Variants in NECTIN4 observed in about 807,000 individuals in gnomAD.
NECTIN4 encodes the protein nectin-4.
A neutral mutation model predicts 51.7 loss-of-function variants in NECTIN4; 19 were observed. The observed-to-expected ratio is 0.37, with a 90% CI of 0.26 to 0.54. The LOEUF (loss-of-function observed/expected upper bound fraction) is 0.54. NECTIN4 is among the 20% of genes least tolerant of loss of function. NECTIN4 has a pLI of 0.86. For synonymous variants in NECTIN4, 283 were observed against 286.9 expected, an observed-to-expected ratio of 0.99 and a Z score of 0.14; for missense variants, 619 against 662.4, an observed-to-expected ratio of 0.93 and a Z score of 0.72.
chr1:161,081,418 TGAA>T (rs1246879155), intron 1 of NECTIN4, among the ~76,000 whole-genome samples: 1 of 151,086 alleles, frequency 6.6e-6, no homozygotes, highest in Non-Finnish European at 1.5e-5. Flanking sequence ...GAAAGAGAGA[TGAA>T]GGAGAGGAAA....
At position 161,079,915 on chromosome 1, in the gene NECTIN4, G is replaced by T. The variant is rs150247524; in HGVS notation, c.114C>A (p.Asp38Glu). Reference protein sequence around the residue: ...RCPAGELETSDVVTVVLGQDA... With the variant: ...RCPAGELETSEVVTVVLGQDA... Reference sequence around the variant, plus strand: ...CCTGGCCCAGCACCACAGTTACCACGTCTGAGGTCTCCAGCTCACCCGCGG... The same window carrying T: ...CCTGGCCCAGCACCACAGTTACCACTTCTGAGGTCTCCAGCTCACCCGCGG... The change falls in exon 2 of 9, where the codon GAC becomes GAA. Residue 38 changes from aspartate to glutamate, a missense_variant. Coordinates refer to ENST00000368012, the MANE Select transcript of NECTIN4 (RefSeq NM_030916.3). The T allele has an allele frequency of 3.1e-5, 50 of 1,609,504 alleles. No homozygotes were observed. The African/African-American group carries it at 6.0e-4, about 19-fold the overall frequency.
intron 2 of NECTIN4, among the ~76,000 whole-genome samples, chr1:161,078,862 A>C (rs747528638): frequency 5.9e-5 from 9 of 151,918 alleles, no homozygotes; most frequent in Non-Finnish European, 1.3e-4. Context: ...ATACACAAAA[A>C]TTAACTGGGC....
In NECTIN4 at chr1:161,072,568, G is replaced by T; in HGVS notation, c.*93C>A. The T allele has an allele frequency of 1.9e-6, 2 of 1,049,548 alleles. No individual in the cohort carries two copies. The highest frequency in any genetic ancestry group is 3.0e-6 in the Non-Finnish European group (2 of 669,466). 65.0% of individuals were successfully genotyped at this position (1,049,548 alleles called of 1,614,324 possible). On this transcript the variant is annotated 3_prime_UTR_variant, in exon 9 of 9. Coordinates refer to ENST00000368012, the MANE Select transcript of NECTIN4 (RefSeq NM_030916.3). ...GTGGGATGGGGAGCATCTTCCGCAA[G>T]AAATGGGGGTGTTTAAGGAGGCCCC...
At position 161,079,609 on chromosome 1, in the gene NECTIN4, C is replaced by T. The variant is rs1165851836; in HGVS notation, c.420G>A (p.Arg140=). Residue 140 remains arginine, a synonymous_variant, in exon 2 of 9, where the codon CGG becomes CGA. Transcript: ENST00000368012. ...GCTTACCCAGCACTCGGAGCCGCAG[C>T]CGCGCCTGGAAGCTGCCGGCGGGGA... The part of the protein sequence containing the change: ...STFPAGSFQA[R]LRLRVLVPPL... 1 of 1,604,616 alleles carries T rather than the reference C, an allele frequency of 6.2e-7. No homozygotes were observed.
chr1:161,079,828 C>A lies in NECTIN4; in HGVS notation c.201G>T (p.Trp67Cys). 6.2e-7 allele frequency: 1 copy of A among 1,613,840 alleles called. No homozygotes were observed. Among genetic ancestry groups the A allele is most frequent in the Non-Finnish European group, 8.5e-7 (1 of 1,180,018 alleles). ...CGCCTTCGCCCGCGTCCACCCGAGC[C>A]CATGCCACTTGCCCCACTTGCTCGC... The part of the protein sequence containing the change: ...DSGEQVGQVA[W>C]ARVDAGEGAQ... Residue 67 changes from tryptophan to cysteine, a missense_variant, in exon 2 of 9, where the codon TGG becomes TGT. Trp to Cys is a radical substitution (Grantham distance 215). This residue lies in a region of NECTIN4 where 218 missense variants were observed against 186.3 expected (regional missense o/e 1.17). Transcript: ENST00000368012.
At chr1:161,076,621 C>G (rs1410564405) in intron 3 of NECTIN4, 146 bp from the exon 4 acceptor site, 10 of 1,066,354 alleles carry the variant, frequency 9.4e-6, no homozygotes, top group Non-Finnish European at 1.4e-5. Flanking sequence ...AAACCTAGCT[C>G]AGCCCCACCC....
chr1:161,089,513 G>A lies in NECTIN4; in HGVS notation c.-217C>T, dbSNP rs1484350582. 4 of 591,998 alleles carry A rather than the reference G, an allele frequency of 6.8e-6. No homozygotes were observed. Among genetic ancestry groups the A allele is most frequent in the South Asian group, 1.9e-5 (1 of 51,834 alleles). The allele number at this position is 591,998 out of a possible 1,614,324, so 36.7% of individuals were successfully genotyped here. The stretch of plus-strand genomic sequence containing the variant: ...CCAAGAAGCCGTGATCGGGAGCTCC[G>A]AGCTCCCCCAGAGCTGCTTCCCACG... On this transcript the variant is annotated 5_prime_UTR_variant, in exon 1 of 9. Coordinates refer to ENST00000368012, the MANE Select transcript of NECTIN4 (RefSeq NM_030916.3). This position sits in a 1 kb window ranked among gnomAD's most constrained non-coding sequence, Gnocchi z 4.1.
intron 7 of NECTIN4, among the ~76,000 whole-genome samples, 191 bp downstream of exon 7, chr1:161,073,529 G>A (rs1442091093): frequency 6.6e-6 from 1 of 152,212 alleles, no homozygotes; most frequent in Non-Finnish European, 1.5e-5. Flanking sequence ...ATGCTGAAGG[G>A]GGCCTTCTGG....
chr1:161,089,517 T>C lies in NECTIN4; in HGVS notation c.-221A>G. 1 of 586,900 alleles carries C rather than the reference T, an allele frequency of 1.7e-6. No individual in the cohort carries two copies. 36.4% of individuals were successfully genotyped at this position (586,900 alleles called of 1,614,324 possible). A position where few individuals can be genotyped will look rare whatever the true frequency, so the allele number is the denominator to read the frequency against. On this transcript the variant is annotated 5_prime_UTR_variant, in exon 1 of 9. Transcript: ENST00000368012. The surrounding 1 kb of genome is among the most constrained non-coding windows in gnomAD (Gnocchi z 4.1). ...GAAGCCGTGATCGGGAGCTCCGAGC[T>C]CCCCCAGAGCTGCTTCCCACGCTGT...
At position 161,080,180 on chromosome 1, in the gene NECTIN4, T is replaced by C. The variant is rs1399909049; in HGVS notation, c.80-231A>G. ...CTGAGACCCAGAGAGAGGAAGTGGC[T>C]TGCCTAAGGCCACACAGACGATTTA... On this transcript the variant is annotated intron_variant, in intron 1 of 8. Transcript: ENST00000368012. Among the ~76,000 whole-genome samples the C allele has an allele frequency of 2.0e-5, 3 of 152,206 alleles. 1 individual carries two copies. In the East Asian group the frequency reaches 5.8e-4, roughly 29 times the overall value.
intron 1 of NECTIN4, among the ~76,000 whole-genome samples, chr1:161,087,743 A>G (rs1320199404): frequency 6.6e-6 from 1 of 151,958 alleles, no homozygotes; most frequent in Non-Finnish European, 1.5e-5. Flanking sequence ...TCCTCAGTTC[A>G]GAGTCATAGG....
At position 161,074,365 on chromosome 1, in the gene NECTIN4, C is replaced by T; in HGVS notation, c.1009G>A (p.Glu337Lys). The stretch of plus-strand genomic sequence containing the variant: ...AGGTCCACCTGCTTCCCAGAGTCTT[C>T]CTGGGGGTCTGCTGGAGACAGGCCA... ...QVTVDVLDPQ[E>K]DSGKQVDLVS... Residue 337 changes from glutamate to lysine, a missense_variant, in exon 6 of 9, where the codon GAA (glutamate) becomes AAA (lysine). Glu to Lys is a moderately conservative substitution (Grantham distance 56, BLOSUM62 1). Coordinates refer to ENST00000368012, the MANE Select transcript of NECTIN4 (RefSeq NM_030916.3). The T allele has an allele frequency of 1.2e-6, 2 of 1,614,062 alleles. No homozygotes were observed. Among genetic ancestry groups the T allele is most frequent in the Non-Finnish European group, 8.5e-7 (1 of 1,180,014 alleles).
At chr1:161,077,824 A>C (rs1653489493) in intron 2 of NECTIN4, 81 bp from the exon 3 acceptor site, 1 of 1,309,906 alleles carries the variant, frequency 7.6e-7, no homozygotes. Flanking sequence ...TCAGTCTTGC[A>C]CAAGTACAAA....
Position 161,089,228 on chromosome 1 carries a change from T to C in NECTIN4, c.69A>G (p.Ala23=). The C allele has an allele frequency of 6.2e-7, 1 of 1,613,152 alleles. No individual in the cohort carries two copies. The highest frequency in any genetic ancestry group is 8.5e-7 in the Non-Finnish European group (1 of 1,180,006). The change falls in exon 1 of 9, where the codon GCA becomes GCG. Residue 23 remains alanine, a synonymous_variant. Transcript: ENST00000368012. This position sits in a 1 kb window ranked among gnomAD's most constrained non-coding sequence, Gnocchi z 4.1. ...TCAGGCAAGTCCTACCTGTAAATGA[T>C]GCCAGCAGTAGCAGCAGCAGCAGCC... ...EAWLLLLLLL[A]SFTGRCPAGE... is the part of the protein sequence containing the mutation.
Position 161,074,339 on chromosome 1 carries a change from T to G in NECTIN4, c.1035A>C (p.Leu345=). 6.2e-7 allele frequency: 1 copy of G among 1,613,708 alleles called. No homozygotes were observed. The highest frequency in any genetic ancestry group is 1.1e-5 in the South Asian group (1 of 91,048). The change falls in exon 6 of 9, where the codon CTA becomes CTC. Residue 345 remains leucine (L), a synonymous_variant. Transcript: ENST00000368012. The stretch of plus-strand genomic sequence containing the variant: ...CCACCACCACCACCGAGGCTGACAC[T>G]AGGTCCACCTGCTTCCCAGAGTCTT... ...PQEDSGKQVD[L]VSASVVVVGV...
At chr1:161,076,067 T>C (rs972476758) in intron 4 of NECTIN4, among the ~76,000 whole-genome samples, 7 of 152,144 alleles carry the variant, frequency 4.6e-5, no homozygotes, top group African/African-American at 1.7e-4. Context: ...AGAGCAAGAC[T>C]CCGTCTCAAA....
chr1:161,085,906 A>G (rs1195198583), intron 1 of NECTIN4, among the ~76,000 whole-genome samples: 1 of 152,056 alleles, frequency 6.6e-6, no homozygotes, highest in East Asian at 1.9e-4. Context: ...GCTGGTCTCA[A>G]ACTCCTGGCC....
intron 1 of NECTIN4, chr1:161,084,974 T>C (rs1370456151): frequency 6.8e-6 from 1 of 147,996 alleles, no homozygotes. Flanking sequence ...TGTGGGTGAG[T>C]CTGGGGTGAG....
At chr1:161,076,785 T>C (rs1391774297) in intron 3 of NECTIN4, among the ~76,000 whole-genome samples, 1 of 152,244 alleles carries the variant, frequency 6.6e-6, no homozygotes, top group Admixed American at 6.5e-5. Flanking sequence ...GTGCTAGTCA[T>C]AGAACAGGTG....
Sources: gnomAD v4.1 joint callset for allele counts (sites outside exome capture counted in the v4.1 genomes callset) on GRCh38, gnomAD v4.1.1 for gene constraint, gnomAD v4.1.1 regional missense constraint, Gnocchi (gnomAD v3.1) non-coding constraint, MANE v1.5 for transcripts, NCBI Gene and HGNC (gene_info 2026-07-23, HGNC 2026-07-21) for gene names.